The following RAI14 variants were observed in gnomAD, a reference collection of about 807,000 sequenced individuals.
The protein encoded by RAI14 is retinoic acid induced 14.
In RAI14, 45 loss-of-function variants were observed where a neutral mutation model predicts 115.4. The ratio of observed to expected loss-of-function variants is 0.39; its 90% confidence interval spans 0.31 to 0.50. The LOEUF is 0.50. Ranked by LOEUF, RAI14 falls within the 20% of genes least tolerant of loss-of-function variation. RAI14 has a pLI of 0.85. For synonymous variants in RAI14, 371 were observed against 415.4 expected (o/e 0.89, Z 1.30); for missense variants, 939 against 1,131.2 (o/e 0.83, Z 2.44).
chr5:34,815,681 G>A (rs1033639930), intron 12 of RAI14, among the ~76,000 whole-genome samples: 1 of 152,062 alleles, frequency 6.6e-6, no homozygotes, highest in Non-Finnish European at 1.5e-5. Flanking sequence ...TTGGCTAGAC[G>A]GTACAACATT....
chr5:34,769,608 G>C, intron 3 of RAI14, among the ~76,000 whole-genome samples: 1 of 152,198 alleles, frequency 6.6e-6, no homozygotes, highest in Middle Eastern at 3.2e-3. Context: ...GAGGAGAAAA[G>C]GCTTAGTAAT....
chr5:34,677,858 T>C (rs943462428), intron 1 of RAI14, among the ~76,000 whole-genome samples: 2 of 152,186 alleles, frequency 1.3e-5, no homozygotes, highest in African/African-American at 4.8e-5. Context: ...AATCGTGGTT[T>C]TTGTTATTTT....
chr5:34,681,636 G>A (rs1369694281), intron 1 of RAI14, among the ~76,000 whole-genome samples: 2 of 151,842 alleles, frequency 1.3e-5, no homozygotes, highest in African/African-American at 4.8e-5. Flanking sequence ...CTAGGACTAC[G>A]GGCATGTGCC....
intron 2 of RAI14, among the ~76,000 whole-genome samples, chr5:34,710,522 G>GC (rs772114424): frequency 6.6e-6 from 1 of 152,178 alleles, no homozygotes; most frequent in African/African-American, 2.4e-5. Flanking sequence ...TGACTCTAGG[G>GC]CCCTTAGCCT....
intron 2 of RAI14, among the ~76,000 whole-genome samples, chr5:34,743,445 A>G (rs115630232): frequency 1.3e-3 from 194 of 152,288 alleles, no homozygotes; most frequent in African/African-American, 4.5e-3. Context: ...TTTAGGGTCT[A>G]TCCCGAGTCT....
At chr5:34,740,571 T>G (rs1745384168) in intron 2 of RAI14, among the ~76,000 whole-genome samples, 1 of 152,236 alleles carries the variant, frequency 6.6e-6, no homozygotes, top group Non-Finnish European at 1.5e-5. Context: ...GTTGCTTTTG[T>G]TAAGAAATGT....
rs1463427539 is a variant in RAI14, at chr5:34,823,510, A to G, written c.1668A>G (p.Leu556=). The G allele has an allele frequency of 1.9e-6, 3 of 1,614,058 alleles. No homozygotes were observed. The highest frequency in any genetic ancestry group is 2.5e-6 in the Non-Finnish European group (3 of 1,180,028). Residue 556 remains leucine (L), a synonymous_variant, in exon 15 of 18, where the codon TTA becomes TTG. Transcript: ENST00000265109. The surrounding 1 kb of genome is among the most constrained non-coding windows in gnomAD (Gnocchi z 4.5). The part of the protein sequence containing the change: ...SERNKEKVRE[L]EEKLVEREKG... Reference sequence around the variant, plus strand: ...GAAATAAAGAGAAAGTGAGAGAGTTAGAGGAAAAACTGGTAGAGAGGGAGA... The same window carrying G: ...GAAATAAAGAGAAAGTGAGAGAGTTGGAGGAAAAACTGGTAGAGAGGGAGA...
intron 3 of RAI14, among the ~76,000 whole-genome samples, chr5:34,762,928 CATGTGTGT>C (rs1213398788): frequency 9.4e-4 from 93 of 98,926 alleles, no homozygotes; most frequent in African/African-American, 3.4e-3. Flanking sequence ...GGAGTGTGTG[CATGTGTGT>C]GTGTGTGTGT....
intron 15 of RAI14, among the ~76,000 whole-genome samples, chr5:34,824,775 C>G (rs181969723): frequency 2.0e-5 from 3 of 151,870 alleles, no homozygotes; most frequent in African/African-American, 7.3e-5. Flanking sequence ...GAAACCACGT[C>G]TCTACTAAAA....
intron 14 of RAI14, 21 bp downstream of exon 14, chr5:34,821,871 C>A: frequency 7.5e-7 from 1 of 1,330,554 alleles, no homozygotes. Flanking sequence ...AGATTGCTAT[C>A]ATGGACTATT....
intron 2 of RAI14, among the ~76,000 whole-genome samples, chr5:34,741,382 G>GC (rs1490459872): frequency 1.3e-5 from 2 of 152,214 alleles, no homozygotes; most frequent in East Asian, 3.8e-4. Context: ...CAGGCTCTTA[G>GC]CCCTACACTG....
chr5:34,790,872 G>T (rs1752848483), intron 3 of RAI14, among the ~76,000 whole-genome samples: 1 of 151,696 alleles, frequency 6.6e-6, no homozygotes, highest in African/African-American at 2.4e-5. Flanking sequence ...TATGCCTACA[G>T]AACTTATTGA....
intron 2 of RAI14, among the ~76,000 whole-genome samples, chr5:34,710,596 T>C (rs1741275277): frequency 6.6e-6 from 1 of 152,192 alleles, no homozygotes; most frequent in African/African-American, 2.4e-5. Context: ...CCAAACTTTG[T>C]TGATGATGAG....
chr5:34,811,669 A>T, intron 8 of RAI14, 98 bp from the exon 9 acceptor site: 1 of 1,097,332 alleles, frequency 9.1e-7, no homozygotes, highest in Non-Finnish European at 1.3e-6. Context: ...GTTTAACTGC[A>T]CTTAATCTTC....
At chr5:34,781,653 A>G (rs955071374) in intron 3 of RAI14, among the ~76,000 whole-genome samples, 2 of 152,236 alleles carry the variant, frequency 1.3e-5, no homozygotes, top group Admixed American at 6.5e-5. Flanking sequence ...GAGATGTTAA[A>G]TGGTGCAGCA....
intron 1 of RAI14, among the ~76,000 whole-genome samples, chr5:34,662,616 A>C (rs1742777574): frequency 6.6e-6 from 1 of 152,158 alleles, no homozygotes; most frequent in African/African-American, 2.4e-5. Context: ...AATGATATTG[A>C]AAGAAATCAG....
chr5:34,776,434 C>T lies in RAI14; in HGVS notation c.167+18836C>T, dbSNP rs191460691. ...AAGAGTATAATTGAGTTGTTGGTAACACAAAGAAAGGATAAATGCTTGAAG... is the reference window on the plus strand; with the variant it reads ...AAGAGTATAATTGAGTTGTTGGTAATACAAAGAAAGGATAAATGCTTGAAG... On this transcript the variant is annotated intron_variant, in intron 3 of 17. Coordinates refer to ENST00000265109, the MANE Select transcript of RAI14 (RefSeq NM_015577.3). Among the ~76,000 whole-genome samples the T allele has an allele frequency of 2.2e-3, 331 of 152,166 alleles. 2 individuals carry two copies. The highest frequency in any genetic ancestry group is 7.7e-3 in the African/African-American group (319 of 41,514).
chr5:34,779,138 A>G (rs1751279813), intron 3 of RAI14, among the ~76,000 whole-genome samples: 1 of 152,222 alleles, frequency 6.6e-6, no homozygotes, highest in African/African-American at 2.4e-5. Context: ...GATTATCTCA[A>G]TAGATGCAGA....
At chr5:34,717,085 A>C (rs1315550601) in intron 2 of RAI14, among the ~76,000 whole-genome samples, 1 of 152,150 alleles carries the variant, frequency 6.6e-6, no homozygotes, top group Non-Finnish European at 1.5e-5. Flanking sequence ...GTATGTGCGC[A>C]TGTGTGTGTG....
Sources: allele counts gnomAD v4.1 joint callset (sites outside exome capture counted in the v4.1 genomes callset), GRCh38; gene constraint gnomAD v4.1.1; non-coding constraint Gnocchi (gnomAD v3.1); transcripts MANE v1.5; gene names NCBI Gene and HGNC (gene_info 2026-07-23, HGNC 2026-07-21).